Variants in NPAS3 observed in about 807,000 individuals in gnomAD.
The protein encoded by NPAS3 is neuronal PAS domain-containing protein 3.
NPAS3 carries 14 observed loss-of-function variants against 73.1 expected under a neutral mutation model. That is an observed-to-expected ratio of 0.19 (90% CI 0.13 to 0.30). NPAS3 has a LOEUF of 0.30. Among genes scored for constraint, NPAS3 ranks in the 10% least tolerant of loss-of-function variants. The pLI, the probability that NPAS3 is intolerant of heterozygous loss-of-function variation, is 1.00. For synonymous variants in NPAS3, 620 were observed against 541.5 expected, an observed-to-expected ratio of 1.14 and a Z score of -2.01; for missense variants, 1,096 against 1,250.0, an observed-to-expected ratio of 0.88 and a Z score of 1.86.
chr14:33,264,944 A>G (rs1223530110), intron 3 of NPAS3, among the ~76,000 whole-genome samples: 2 of 152,178 alleles, frequency 1.3e-5, no homozygotes, highest in Non-Finnish European at 2.9e-5. Context: ...GTTTCTCTCC[A>G]TAAGTTTCTC....
At chr14:32,955,626 G>T (rs897200568) in intron 1 of NPAS3, among the ~76,000 whole-genome samples, 2 of 152,054 alleles carry the variant, frequency 1.3e-5, no homozygotes, top group Admixed American at 6.5e-5. Flanking sequence ...TACATAAATT[G>T]TGACCTTTCT....
At chr14:33,313,302 A>G (rs912110341) in intron 3 of NPAS3, among the ~76,000 whole-genome samples, 5 of 152,094 alleles carry the variant, frequency 3.3e-5, no homozygotes, top group African/African-American at 1.2e-4. Context: ...TGTAATATGA[A>G]TGGATATTCA....
At chr14:33,365,081 T>G (rs1396621416) in intron 3 of NPAS3, among the ~76,000 whole-genome samples, 1 of 151,306 alleles carries the variant, frequency 6.6e-6, no homozygotes. Flanking sequence ...CCCCAAATTA[T>G]GAGCTATTAA....
intron 6 of NPAS3, among the ~76,000 whole-genome samples, chr14:33,676,700 G>A (rs1327118270): frequency 6.6e-6 from 1 of 152,158 alleles, no homozygotes; most frequent in Non-Finnish European, 1.5e-5. Flanking sequence ...TTGTTACCAT[G>A]GCTAAATGTA....
chr14:33,413,230 A>G (rs938842525), intron 4 of NPAS3, among the ~76,000 whole-genome samples: 1 of 151,590 alleles, frequency 6.6e-6, no homozygotes, highest in Non-Finnish European at 1.5e-5. Flanking sequence ...TTGTACTCAG[A>G]TATGTATTTT....
intron 3 of NPAS3, among the ~76,000 whole-genome samples, chr14:33,243,556 G>A (rs1360433300): frequency 1.3e-5 from 2 of 152,032 alleles, no homozygotes; most frequent in African/African-American, 2.4e-5. Flanking sequence ...AACACTCTGA[G>A]AACCATTCAC....
At chr14:33,066,933 T>C (rs2041301147) in intron 2 of NPAS3, among the ~76,000 whole-genome samples, 1 of 152,164 alleles carries the variant, frequency 6.6e-6, no homozygotes, top group Admixed American at 6.5e-5. Context: ...GGAAAGAACA[T>C]GCTCCAAATA....
At chr14:33,231,098 C>T (rs2047833484) in intron 3 of NPAS3, among the ~76,000 whole-genome samples, 2 of 152,174 alleles carry the variant, frequency 1.3e-5, no homozygotes, top group Non-Finnish European at 2.9e-5. Flanking sequence ...CTGAAAATTA[C>T]AATTCTGTTT....
intron 5 of NPAS3, among the ~76,000 whole-genome samples, chr14:33,563,795 T>G (rs190275032): frequency 7.9e-5 from 12 of 152,248 alleles, no homozygotes. Context: ...AGCTCTGCTT[T>G]CTAGCTATAA....
At chr14:33,774,682 C>T in intron 8 of NPAS3, 152 bp downstream of exon 8, 1 of 621,924 alleles carries the variant, frequency 1.6e-6, no homozygotes. Context: ...ACCAAACATG[C>T]TTTTTATTTA....
intron 2 of NPAS3, among the ~76,000 whole-genome samples, chr14:33,181,535 A>C (rs1228073742): frequency 6.6e-6 from 1 of 152,230 alleles, no homozygotes; most frequent in Non-Finnish European, 1.5e-5. Context: ...ATATCTGTGC[A>C]GTATAACTGG....
intron 2 of NPAS3, among the ~76,000 whole-genome samples, chr14:33,139,406 T>C (rs1483370434): frequency 6.6e-5 from 10 of 152,174 alleles, no homozygotes. Flanking sequence ...GGTATAAGAA[T>C]TAAATGGTTT....
intron 4 of NPAS3, among the ~76,000 whole-genome samples, chr14:33,468,165 T>C (rs1447887888): frequency 6.6e-6 from 1 of 152,218 alleles, no homozygotes; most frequent in African/African-American, 2.4e-5. Flanking sequence ...AATGTATCTA[T>C]AAACTGCTGT....
chr14:33,255,058 A>G (rs1247777899), intron 3 of NPAS3, among the ~76,000 whole-genome samples: 3 of 152,116 alleles, frequency 2.0e-5, no homozygotes, highest in Non-Finnish European at 4.4e-5. Context: ...TTGGAATTGG[A>G]AACAGGCCAA....
chr14:33,321,764 T>C (rs1434419216), intron 3 of NPAS3, among the ~76,000 whole-genome samples: 1 of 152,076 alleles, frequency 6.6e-6, no homozygotes, highest in East Asian at 1.9e-4. Context: ...TATAAGTCAC[T>C]ATTCCTATTA....
At chr14:32,987,845 G>T (rs966299446) in intron 1 of NPAS3, among the ~76,000 whole-genome samples, 6 of 151,774 alleles carry the variant, frequency 4.0e-5, no homozygotes, top group Non-Finnish European at 7.4e-5. Context: ...ACTTAATTTG[G>T]AGCATTTCCA....
At chr14:33,669,848 A>G (rs2059560708) in intron 5 of NPAS3, among the ~76,000 whole-genome samples, 1 of 152,052 alleles carries the variant, frequency 6.6e-6, no homozygotes, top group Non-Finnish European at 1.5e-5. Context: ...GCACATCTTA[A>G]CGTTCAGAAC....
intron 10 of NPAS3, 44 bp downstream of exon 10, chr14:33,794,088 T>C (rs780825442): frequency 1.3e-6 from 2 of 1,552,568 alleles, no homozygotes; most frequent in Non-Finnish European, 1.8e-6. Flanking sequence ...GGTTATAAAA[T>C]ATGCCATATA....
chr14:33,120,142 G>A (rs1022361016), intron 2 of NPAS3, among the ~76,000 whole-genome samples: 2 of 151,998 alleles, frequency 1.3e-5, no homozygotes, highest in African/African-American at 4.8e-5. Context: ...TGTATTTTTA[G>A]TAGAGATGGG....
Sources: allele counts gnomAD v4.1 joint callset (sites outside exome capture counted in the v4.1 genomes callset), GRCh38; gene constraint gnomAD v4.1.1; transcripts MANE v1.5; gene names NCBI Gene and HGNC (gene_info 2026-07-23, HGNC 2026-07-21).